The following TAPT1 variants were observed in gnomAD, a reference collection of about 807,000 sequenced individuals.
TAPT1 encodes transmembrane anterior posterior transformation 1.
A neutral mutation model predicts 65.6 loss-of-function variants in TAPT1; 28 were observed. The ratio of observed to expected loss-of-function variants is 0.43; its 90% CI spans 0.32 to 0.59. TAPT1 has a LOEUF of 0.59. Among genes scored for constraint, TAPT1 ranks in the 20% least tolerant of loss-of-function variants. TAPT1 has a pLI of 0.09. For synonymous variants in TAPT1, 278 were observed against 245.2 expected (o/e 1.13, Z -1.25); for missense variants, 563 against 679.9 (o/e 0.83, Z 1.91).
In TAPT1 at chr4:16,179,758, C is replaced by T. The variant is rs149657109; in HGVS notation, c.917-101G>A. Reference sequence around the variant, plus strand: ...GCCAGAACATGATGAAATTATTAGACGATGTATAAATGTCTATAAATATAC... The same window carrying T: ...GCCAGAACATGATGAAATTATTAGATGATGTATAAATGTCTATAAATATAC... On this transcript the variant is annotated intron_variant, in intron 7 of 13. Coordinates refer to ENST00000405303, the MANE Select transcript of TAPT1 (RefSeq NM_153365.3). The T allele has an allele frequency of 7.6e-3, 4,081 of 540,190 alleles. 26 individuals carry two copies. The highest frequency in any genetic ancestry group is 7.6e-3 in the Non-Finnish European group (2,436 of 318,576). The allele number at this position is 540,190 out of a possible 1,614,324, so 33.5% of individuals were successfully genotyped here. A position where few individuals can be genotyped will look rare whatever the true frequency, so the allele number is the denominator to read the frequency against.
chr4:16,206,592 T>C (rs1267454364), intron 2 of TAPT1, among the ~76,000 whole-genome samples: 2 of 151,734 alleles, frequency 1.3e-5, no homozygotes, highest in African/African-American at 4.8e-5. Flanking sequence ...CTATCTAGGA[T>C]GAGATCGACT....
intron 2 of TAPT1, 35 bp downstream of exon 2, chr4:16,213,733 C>G (rs772924094): frequency 6.6e-7 from 1 of 1,509,178 alleles, no homozygotes; most frequent in East Asian, 2.4e-5. Flanking sequence ...ACATAACTTT[C>G]AAAATGATGT....
In TAPT1 at chr4:16,191,515, C is replaced by T. The variant is rs1749370742; in HGVS notation, c.458G>A (p.Arg153His). The T allele has an allele frequency of 1.9e-6, 3 of 1,557,036 alleles. No homozygotes were observed. The highest frequency in any genetic ancestry group is 2.4e-5 in the East Asian group (1 of 41,506). ...ACACACCTGGGCAGGCTGAAGCAAA[C>T]GTCTGTCCCTGAAACATACAAGAAG... is the stretch of plus-strand genomic sequence containing the variant. ...TLPCYGLRDR[R>H]LLQPAQVCDI... Residue 153 changes from arginine (R) to histidine (H), a missense_variant, in exon 4 of 14, where the codon CGT (arginine) becomes CAT (histidine). This residue lies in a region of TAPT1 where 217 missense variants were observed against 317.5 expected (regional missense o/e 0.68). Coordinates refer to ENST00000405303, the MANE Select transcript of TAPT1 (RefSeq NM_153365.3).
intron 2 of TAPT1, among the ~76,000 whole-genome samples, chr4:16,210,280 T>C (rs978172257): frequency 6.6e-6 from 1 of 152,134 alleles, no homozygotes; most frequent in African/African-American, 2.4e-5. Context: ...CAAAGTCGAA[T>C]TTAGTGGCAA....
At chr4:16,216,840 A>C (rs1194208730) in intron 1 of TAPT1, among the ~76,000 whole-genome samples, 3 of 152,154 alleles carry the variant, frequency 2.0e-5, no homozygotes, top group Admixed American at 6.5e-5. Flanking sequence ...CAGCTCACAC[A>C]GATCAGATAT....
At chr4:16,177,686 T>G (rs1748423145) in intron 8 of TAPT1, among the ~76,000 whole-genome samples, 1 of 152,222 alleles carries the variant, frequency 6.6e-6, no homozygotes, top group South Asian at 2.1e-4. Flanking sequence ...GTGTCTACAC[T>G]TAATTATTAT....
In TAPT1 at chr4:16,176,187, C is replaced by T; in HGVS notation, c.1039G>A (p.Ala347Thr). 1.3e-6 allele frequency: 2 copies of T among 1,577,134 alleles called. No homozygotes were observed. The highest frequency in any genetic ancestry group is 1.7e-6 in the Non-Finnish European group (2 of 1,160,634). The change falls in exon 9 of 14, where the codon GCA becomes ACA. Residue 347 changes from alanine (A) to threonine (T), a missense_variant. Physicochemically the swap from Ala to Thr is moderately conservative, Grantham distance 58 (BLOSUM62 0). Around this residue, in one of 5 missense-constraint regions of TAPT1, gnomAD observed 104 missense variants for 102.5 expected, o/e 1.01. Transcript: ENST00000405303. ...ACAATATCCACGGCAATTTCTGATG[C>T]AATTACCATACAGACATCTGGAAAC... ...VLFPDVCMVIASEIAVDIVKH... is the reference protein window; with the variant it reads ...VLFPDVCMVITSEIAVDIVKH...
chr4:16,186,972 C>T, intron 5 of TAPT1, 94 bp from the exon 6 acceptor site: 1 of 691,330 alleles, frequency 1.4e-6, no homozygotes, highest in Non-Finnish European at 2.5e-6. Context: ...AGATGACTTT[C>T]TTTTCTAAAT....
intron 2 of TAPT1, among the ~76,000 whole-genome samples, chr4:16,211,887 A>G (rs1750670615): frequency 6.6e-6 from 1 of 152,268 alleles, no homozygotes; most frequent in African/African-American, 2.4e-5. Context: ...TCATCAAGAC[A>G]TAAGTATAAG....
chr4:16,224,381 T>C (rs1423731822), intron 1 of TAPT1, among the ~76,000 whole-genome samples: 1 of 152,162 alleles, frequency 6.6e-6, no homozygotes. Flanking sequence ...AGCTACAGAC[T>C]GGGTGCTAGC....
At chr4:16,226,031 G>A (rs988788987) in intron 1 of TAPT1, 1 of 1,006,044 alleles carries the variant, frequency 9.9e-7, no homozygotes, top group Non-Finnish European at 1.2e-6. Context: ...CACCTGGCCT[G>A]GCGCGGCCGC....
intron 2 of TAPT1, among the ~76,000 whole-genome samples, chr4:16,205,161 C>G (rs1750267111): frequency 6.6e-6 from 1 of 152,136 alleles, no homozygotes; most frequent in Non-Finnish European, 1.5e-5. Flanking sequence ...CCCTTTATGA[C>G]AAAAATCTCC....
chr4:16,166,991 C>CCTT, intron 12 of TAPT1, 198 bp from the exon 13 acceptor site: 1 of 159,572 alleles, frequency 6.3e-6, no homozygotes, highest in Non-Finnish European at 1.2e-5. Flanking sequence ...CCTTAGTTCT[C>CCTT]TTTTTTTTTT....
upstream of TAPT1, chr4:16,226,554 G>A: frequency 1.4e-5 from 9 of 623,836 alleles, no homozygotes; most frequent in Non-Finnish European, 1.7e-5. Flanking sequence ...CGGAGCCCGA[G>A]CCGCCGCCGC....
intron 2 of TAPT1, among the ~76,000 whole-genome samples, chr4:16,205,211 A>T (rs889186838): frequency 1.3e-5 from 2 of 152,338 alleles, no homozygotes; most frequent in South Asian, 4.1e-4. Flanking sequence ...CAAAATAAAC[A>T]AAATGTTATG....
chr4:16,168,345 A>C (rs914008048), intron 12 of TAPT1, among the ~76,000 whole-genome samples: 1 of 152,154 alleles, frequency 6.6e-6, no homozygotes, highest in Non-Finnish European at 1.5e-5. Context: ...CTTGGGCTCA[A>C]GCAATCCTCC....
intron 3 of TAPT1, among the ~76,000 whole-genome samples, chr4:16,202,232 G>C (rs538350557): frequency 1.3e-5 from 2 of 151,850 alleles, no homozygotes; most frequent in Non-Finnish European, 2.9e-5. Context: ...TTATTTTACC[G>C]GCTAAAGCAA....
At position 16,166,160 on chromosome 4, in the gene TAPT1, C is replaced by T. The variant is rs555658089; in HGVS notation, c.1474+473G>A. 6.6e-5 allele frequency among the ~76,000 whole-genome samples: 10 copies of T among 152,342 alleles called. No individual in the cohort carries two copies. The South Asian group carries it at 1.9e-3, about 28-fold the overall frequency. ...CTGCCGGGCCTCTGCCTGGGAGCTG[C>T]TCCTGGAAGGCTGGATGTGCTGTCT... On this transcript the variant is annotated intron_variant, in intron 13 of 13. Coordinates refer to ENST00000405303, the MANE Select transcript of TAPT1 (RefSeq NM_153365.3).
rs114552336 is a variant in TAPT1 at position 16,163,565 on chromosome 4, G to A, written c.1475-28C>T. ...GTGATAAAATAGATCCATTAAATTA[G>A]AGAAAGACTTTTCTCCAATTATTAA... On this transcript the variant is annotated intron_variant, in intron 13 of 13. Coordinates refer to ENST00000405303, the MANE Select transcript of TAPT1 (RefSeq NM_153365.3). 9.4e-4 allele frequency: 1,448 copies of A among 1,535,264 alleles called. 7 individuals are homozygous for A. The African/African-American group carries it at 0.015, about 16-fold the overall frequency.
Sources: allele counts gnomAD v4.1 joint callset (sites outside exome capture counted in the v4.1 genomes callset), GRCh38; gene constraint gnomAD v4.1.1; regional missense constraint gnomAD v4.1.1; transcripts MANE v1.5; gene names NCBI Gene and HGNC (gene_info 2026-07-23, HGNC 2026-07-21).